TRMT2B: variants seen among roughly 807,000 people sequenced by gnomAD.
TRMT2B encodes tRNA (uracil-5-)-methyltransferase homolog B.
A neutral mutation model predicts 39.7 loss-of-function variants in TRMT2B; 34 were observed. The ratio of observed to expected loss-of-function variants is 0.86; its 90% CI spans 0.65 to 1.14. TRMT2B has a LOEUF of 1.14. Ranked by LOEUF, TRMT2B falls within the 50% of genes most tolerant of loss-of-function variation. The probability of loss-of-function intolerance (pLI) is 0.00; values close to 1 mark genes in which losing one functional copy is unlikely to be tolerated. For synonymous variants in TRMT2B, 132 were observed against 137.3 expected (o/e 0.96, Z 0.27); for missense variants, 318 against 377.2 (o/e 0.84, Z 1.30).
At chrX:101,000,515 C>A in the TRMT2B span, among the ~76,000 whole-genome samples, 3 of 110,733 alleles carry the variant, frequency 2.7e-5, no homozygotes, top group African/African-American at 9.8e-5. Flanking sequence ...TTCTACCACA[C>A]CCCCCAAAAT....
intron 4 of TRMT2B, among the ~76,000 whole-genome samples, chrX:101,039,131 A>C (rs12387839): frequency 0.029 from 3,215 of 109,860 alleles, 124 homozygotes; most frequent in African/African-American, 0.1. Flanking sequence ...TGCAGTGGCG[A>C]GATCTCTGCT....
chrX:101,001,871 T>C, the TRMT2B span, among the ~76,000 whole-genome samples: 2 of 108,945 alleles, frequency 1.8e-5, no homozygotes, highest in Non-Finnish European at 3.8e-5. Context: ...TTGCCACTAT[T>C]GTGCCAGACC....
At chrX:100,994,895 C>T in the TRMT2B span, among the ~76,000 whole-genome samples, 476 of 111,742 alleles carry the variant, frequency 4.3e-3, 7 homozygotes, top group Middle Eastern at 0.018. Flanking sequence ...CTTGGCATCC[C>T]AAAGTGCTGA....
the TRMT2B span, chrX:100,973,818 A>AG: frequency 1.9e-6 from 2 of 1,030,466 alleles, no homozygotes; most frequent in South Asian, 3.9e-5. Context: ...TAGTCCCTCA[A>AG]GGGACAAATC....
In TRMT2B at chrX:101,010,481, C is replaced by T; in HGVS notation, c.*100G>A. 1.0e-6 allele frequency: 1 copy of T among 996,984 alleles called. No individual in the cohort carries two copies. The highest frequency in any genetic ancestry group is 1.4e-6 in the Non-Finnish European group (1 of 722,517). The allele number at this position is 996,984 out of a possible 1,213,427, so 82.2% of individuals were successfully genotyped here. A position where few individuals can be genotyped will look rare whatever the true frequency, so the allele number is the denominator to read the frequency against. ...TTCACAAACCAAAGATTGGTTTCCA[C>T]TGTAATGCTCCCAGGGTCTGCAATG... On this transcript the variant is annotated 3_prime_UTR_variant, in exon 14 of 14. Coordinates refer to ENST00000372936, the MANE Select transcript of TRMT2B (RefSeq NM_024917.6).
At chrX:100,989,371 G>A in the TRMT2B span, among the ~76,000 whole-genome samples, 1 of 110,610 alleles carries the variant, frequency 9.0e-6, no homozygotes, top group East Asian at 2.8e-4. Flanking sequence ...CAGCACTTTG[G>A]GAGGCTGAGG....
chrX:100,973,835 AT>A, the TRMT2B span: 3 of 968,551 alleles, frequency 3.1e-6, no homozygotes, highest in Non-Finnish European at 4.4e-6. Flanking sequence ...AATCTTCATA[AT>A]ATATATTGTT....
downstream of TRMT2B, among the ~76,000 whole-genome samples, chrX:101,007,632 G>C (rs780886094): frequency 2.1e-3 from 238 of 111,564 alleles, no homozygotes; most frequent in Non-Finnish European, 3.4e-3. Flanking sequence ...CTCCAGCCTG[G>C]GTGACAGAAT....
At chrX:100,996,140 G>A in the TRMT2B span, among the ~76,000 whole-genome samples, 20 of 109,262 alleles carry the variant, frequency 1.8e-4, no homozygotes, top group African/African-American at 6.6e-4. Flanking sequence ...GGAACTAGAG[G>A]TCATTATGTT....
intron 13 of TRMT2B, among the ~76,000 whole-genome samples, chrX:101,016,398 T>C (rs184981207): frequency 9.1e-4 from 102 of 111,753 alleles, no homozygotes; most frequent in Non-Finnish European, 1.2e-3. Flanking sequence ...ATGAATGATT[T>C]GCAAATAGTT....
In TRMT2B at chrX:101,020,527, C is replaced by T; in HGVS notation, c.1128G>A (p.Glu376=). Residue 376 remains glutamate, a synonymous_variant, in exon 11 of 14, where the codon GAG becomes GAA. Transcript: ENST00000372936. ...TCCATCTTGCATCCTCCACTGCCTG[C>T]TCCAACAATTCAATCCCAAGGACCC... ...TSRVLGIELL[E]QAVEDARWTA... 8.3e-7 allele frequency: 1 copy of T among 1,211,195 alleles called. No homozygotes were observed. The highest frequency in any genetic ancestry group is 1.1e-6 in the Non-Finnish European group (1 of 894,973).
chrX:100,987,553 A>C, the TRMT2B span: 22 of 1,207,850 alleles, frequency 1.8e-5, no homozygotes, highest in Non-Finnish European at 2.2e-6. Flanking sequence ...TGCTCATCAC[A>C]CAGGTACTGA....
In TRMT2B at chrX:101,024,605, C is replaced by CT. The variant is rs1465074562; in HGVS notation, c.610-990dup. On this transcript the variant is annotated intron_variant, in intron 7 of 13. Coordinates refer to ENST00000372936, the MANE Select transcript of TRMT2B (RefSeq NM_024917.6). ...TTGGGAGGCCAAGGCGGGTGGATCA[C>CT]TTTGAGGTCAGGAGTTCGAGACCAG... is the stretch of plus-strand genomic sequence containing the variant. Among the ~76,000 whole-genome samples, 11 of 111,349 alleles carry CT rather than the reference C, an allele frequency of 9.9e-5. No individual in the cohort carries two copies. In the East Asian group the frequency reaches 3.1e-3, roughly 31 times the overall value.
intron 7 of TRMT2B, among the ~76,000 whole-genome samples, chrX:101,027,236 C>CTTT (rs771559223): frequency 1.0e-5 from 1 of 100,410 alleles, no homozygotes. Flanking sequence ...CAGTTTCTTT[C>CTTT]TTTTTTTTTT....
chrX:101,044,378 G>A (rs1422266143), intron 2 of TRMT2B, among the ~76,000 whole-genome samples: 1 of 112,190 alleles, frequency 8.9e-6, no homozygotes, highest in Non-Finnish European at 1.9e-5. Flanking sequence ...AGAGATGGCA[G>A]GGATACAGAT....
chrX:101,014,336 C>A (rs2086410235), intron 13 of TRMT2B, among the ~76,000 whole-genome samples: 1 of 110,215 alleles, frequency 9.1e-6, no homozygotes, highest in Non-Finnish European at 1.9e-5. Context: ...TTCTTTCTCT[C>A]TCTTTTTTTT....
chrX:101,030,881 C>A (rs1767168586), intron 7 of TRMT2B, among the ~76,000 whole-genome samples: 1 of 111,166 alleles, frequency 9.0e-6, no homozygotes, highest in Non-Finnish European at 1.9e-5. Context: ...ACTCAAGAGA[C>A]AGAGACATGG....
rs5921705 is a variant in TRMT2B at position 101,010,563 on chromosome X, T to A, written c.*18A>T. Reference sequence around the variant, plus strand: ...ACTTCAGCCTTAACAAATAGCCTGCTGTCTTCTAGGAGGCTGCTTATCGAG... The same window carrying A: ...ACTTCAGCCTTAACAAATAGCCTGCAGTCTTCTAGGAGGCTGCTTATCGAG... On this transcript the variant is annotated 3_prime_UTR_variant, in exon 14 of 14. Coordinates refer to ENST00000372936, the MANE Select transcript of TRMT2B (RefSeq NM_024917.6). 499,295 of 1,206,083 alleles carry A rather than the reference T, an allele frequency of 0.41. 76,111 individuals are homozygous for A. Among genetic ancestry groups the A allele is most frequent in the African/African-American group, 0.78 (43,953 of 56,686 alleles).
the TRMT2B span, among the ~76,000 whole-genome samples, chrX:100,984,477 A>G: frequency 9.0e-6 from 1 of 111,471 alleles, no homozygotes; most frequent in African/African-American, 3.3e-5. Context: ...TGGGAGTTGA[A>G]TGAGGTATGG....
Sources: allele counts gnomAD v4.1 joint callset (sites outside exome capture counted in the v4.1 genomes callset), GRCh38; gene constraint gnomAD v4.1.1; transcripts MANE v1.5; gene names NCBI Gene and HGNC (gene_info 2026-07-23, HGNC 2026-07-21).